MAN2A1: variants seen among roughly 807,000 people sequenced by gnomAD.
MAN2A1 encodes mannosidase alpha class 2A member 1.
A neutral mutation model predicts 142.6 loss-of-function variants in MAN2A1; 76 were observed. The ratio of observed to expected loss-of-function variants is 0.53; its 90% CI spans 0.44 to 0.65. MAN2A1 has a LOEUF of 0.65. Ranked by LOEUF, MAN2A1 falls within the 30% of genes least tolerant of loss-of-function variation. The probability of loss-of-function intolerance (pLI) is 0.00; values close to 1 mark genes in which losing one functional copy is unlikely to be tolerated. For synonymous variants in MAN2A1, 559 were observed against 473.2 expected (o/e 1.18, Z -2.35); for missense variants, 1,311 against 1,365.1 (o/e 0.96, Z 0.62).
chr5:109,824,995 C>G (rs936970557), intron 16 of MAN2A1, among the ~76,000 whole-genome samples: 6 of 152,138 alleles, frequency 3.9e-5, no homozygotes, highest in African/African-American at 1.4e-4. Flanking sequence ...TAAAAGTTCT[C>G]TGGCAGGTGG....
intron 17 of MAN2A1, among the ~76,000 whole-genome samples, chr5:109,845,549 C>G (rs373701422): frequency 1.3e-5 from 2 of 152,028 alleles, no homozygotes; most frequent in East Asian, 3.9e-4. Context: ...TACTTAATAC[C>G]TTTATAATTT....
chr5:109,760,708 T>C (rs2112635610), intron 5 of MAN2A1, among the ~76,000 whole-genome samples: 1 of 152,354 alleles, frequency 6.6e-6, no homozygotes, highest in Non-Finnish European at 1.5e-5. Context: ...GTGGTTTTGA[T>C]TTGTATTTCT....
At chr5:109,807,086 C>G (rs753864109) in intron 12 of MAN2A1, among the ~76,000 whole-genome samples, 1 of 152,056 alleles carries the variant, frequency 6.6e-6, no homozygotes, top group Non-Finnish European at 1.5e-5. Flanking sequence ...ACTTAACCAG[C>G]TAGTAGCTTC....
At chr5:109,835,659 G>C (rs970605765) in intron 16 of MAN2A1, among the ~76,000 whole-genome samples, 1 of 152,186 alleles carries the variant, frequency 6.6e-6, no homozygotes, top group Non-Finnish European at 1.5e-5. Flanking sequence ...ACTTTGCTGG[G>C]ATATGAGTGA....
intron 16 of MAN2A1, among the ~76,000 whole-genome samples, chr5:109,830,179 T>C (rs1462569967): frequency 2.6e-5 from 4 of 152,226 alleles, no homozygotes; most frequent in African/African-American, 9.6e-5. Flanking sequence ...CATAGTTTTT[T>C]CATGATATGC....
intron 12 of MAN2A1, among the ~76,000 whole-genome samples, chr5:109,792,463 G>A (rs1440690287): frequency 3.9e-5 from 6 of 151,942 alleles, no homozygotes; most frequent in African/African-American, 1.5e-4. Flanking sequence ...GTTATCAGAG[G>A]AATCTAGCCA....
intron 16 of MAN2A1, among the ~76,000 whole-genome samples, chr5:109,835,747 G>A (rs6878323): frequency 0.66 from 99,691 of 151,994 alleles, 33,391 homozygotes; most frequent in East Asian, 0.9. Flanking sequence ...GTGGTGTATG[G>A]TTTATGAGTA....
chr5:109,816,628 T>G (rs1180105748), intron 12 of MAN2A1, among the ~76,000 whole-genome samples: 2 of 152,216 alleles, frequency 1.3e-5, no homozygotes, highest in African/African-American at 2.4e-5. Flanking sequence ...AATATTAGAT[T>G]TTTAACTGGA....
At chr5:109,762,432 C>T (rs752028374) in intron 5 of MAN2A1, among the ~76,000 whole-genome samples, 1 of 152,110 alleles carries the variant, frequency 6.6e-6, no homozygotes, top group African/African-American at 2.4e-5. Flanking sequence ...TGCACACATA[C>T]ATACATTTTG....
At chr5:109,725,651 C>G (rs1228327321) in intron 3 of MAN2A1, among the ~76,000 whole-genome samples, 2 of 152,252 alleles carry the variant, frequency 1.3e-5, no homozygotes, top group East Asian at 3.9e-4. Context: ...CTTCTAGAGT[C>G]CAGGGCTCAG....
chr5:109,753,049 G>T (rs1752589852), intron 4 of MAN2A1, among the ~76,000 whole-genome samples: 1 of 152,176 alleles, frequency 6.6e-6, no homozygotes, highest in Middle Eastern at 3.4e-3. Context: ...TTAATCTGCA[G>T]TTTTTTTCTC....
intron 16 of MAN2A1, among the ~76,000 whole-genome samples, chr5:109,824,405 C>T (rs1267226862): frequency 6.6e-6 from 1 of 152,146 alleles, no homozygotes; most frequent in Non-Finnish European, 1.5e-5. Flanking sequence ...GAACTTAACC[C>T]TGGGCAATGG....
rs1752660904 is a variant in MAN2A1, at chr5:109,755,342, G to T, written c.721G>T (p.Gly241Cys). Residue 241 changes from glycine (G) to cysteine (C), a missense_variant, in exon 5 of 22, where the codon GGT (glycine) becomes TGT (cysteine). Transcript: ENST00000261483. The part of the protein sequence containing the change: ...KDAVKSLIEN[G>C]QLEIVTGGWV... ...TTTTCTCTCTAGTTTAATAGAAAAT[G>T]GTCAGCTTGAAATTGTGACAGGTGG... is the stretch of plus-strand genomic sequence containing the variant. 6.2e-7 allele frequency: 1 copy of T among 1,611,466 alleles called. No homozygotes were observed. The highest frequency in any genetic ancestry group is 1.7e-5 in the Admixed American group (1 of 59,938).
intron 7 of MAN2A1, among the ~76,000 whole-genome samples, chr5:109,771,303 T>C (rs1028461529): frequency 1.3e-5 from 2 of 152,124 alleles, no homozygotes; most frequent in Admixed American, 6.5e-5. Context: ...ATTAAATAAA[T>C]TAAATAAATT....
intron 5 of MAN2A1, among the ~76,000 whole-genome samples, chr5:109,764,335 A>G (rs1407924841): frequency 6.6e-6 from 1 of 152,126 alleles, no homozygotes; most frequent in African/African-American, 2.4e-5. Flanking sequence ...TATTTTGAAC[A>G]GTTTTTACTT....
At chr5:109,703,284 C>A (rs934579863) in intron 1 of MAN2A1, among the ~76,000 whole-genome samples, 30 of 152,198 alleles carry the variant, frequency 2.0e-4, no homozygotes, top group Admixed American at 1.8e-3. Context: ...TCCTAACATG[C>A]AATACATGGC....
chr5:109,865,027 C>T lies in MAN2A1; in HGVS notation c.3172-9C>T. 1 of 1,596,458 alleles carries T rather than the reference C, an allele frequency of 6.3e-7. No homozygotes were observed. The highest frequency in any genetic ancestry group is 1.3e-5 in the African/African-American group (1 of 74,660). Reference sequence around the variant, plus strand: ...CTGCGCGGTGTGACTGCATTCTGCTCATTTGCAGGTGGGCAATGGGCACTC... The same window carrying T: ...CTGCGCGGTGTGACTGCATTCTGCTTATTTGCAGGTGGGCAATGGGCACTC... On this transcript the variant is annotated splice_polypyrimidine_tract_variant and intron_variant, in intron 20 of 21. Coordinates refer to ENST00000261483, the MANE Select transcript of MAN2A1 (RefSeq NM_002372.4).
At chr5:109,735,216 A>G (rs1405481485) in intron 4 of MAN2A1, among the ~76,000 whole-genome samples, 1 of 151,218 alleles carries the variant, frequency 6.6e-6, no homozygotes, top group African/African-American at 2.4e-5. Flanking sequence ...TTTGTTTTCC[A>G]TTTGCTTGGT....
At chr5:109,705,256 C>T (rs1751097996) in intron 1 of MAN2A1, among the ~76,000 whole-genome samples, 1 of 152,168 alleles carries the variant, frequency 6.6e-6, no homozygotes, top group African/African-American at 2.4e-5. Context: ...ACTCCATATG[C>T]CCTACTGTGG....
Sources: allele counts gnomAD v4.1 joint callset (sites outside exome capture counted in the v4.1 genomes callset), GRCh38; gene constraint gnomAD v4.1.1; transcripts MANE v1.5; gene names NCBI Gene and HGNC (gene_info 2026-07-23, HGNC 2026-07-21).